The following GTF2F2 variants were observed in gnomAD, a reference collection of about 807,000 sequenced individuals.
The protein encoded by GTF2F2 is ATP-dependent helicase GTF2F2.
GTF2F2 carries 23 observed loss-of-function variants against 42.2 expected under a neutral mutation model. The ratio of observed to expected loss-of-function variants is 0.55; its 90% CI spans 0.39 to 0.77. The LOEUF (loss-of-function observed/expected upper bound fraction) is 0.77, where lower values mean the gene tolerates loss of function less well. Ranked by LOEUF, GTF2F2 falls within the 30% of genes least tolerant of loss-of-function variation. The pLI is 0.00. For missense variants in GTF2F2, 261 were observed against 287.2 expected, an observed-to-expected ratio of 0.91 and a Z score of 0.66; for synonymous variants, 105 against 100.8, an observed-to-expected ratio of 1.04 and a Z score of -0.25.
chr13:45,226,791 G>GT (rs1874380670), intron 5 of GTF2F2, among the ~76,000 whole-genome samples: 1 of 152,072 alleles, frequency 6.6e-6, no homozygotes, highest in South Asian at 2.1e-4. Flanking sequence ...ATATCTTTCA[G>GT]TTGCAGTATA....
chr13:45,194,939 C>G (rs553939470), intron 4 of GTF2F2, among the ~76,000 whole-genome samples: 100 of 152,262 alleles, frequency 6.6e-4, no homozygotes, highest in African/African-American at 2.3e-3. Flanking sequence ...TTAACTATTT[C>G]TAAATGCCTA....
chr13:45,211,806 G>A (rs1242279382), intron 5 of GTF2F2, among the ~76,000 whole-genome samples: 1 of 149,812 alleles, frequency 6.7e-6, no homozygotes, highest in East Asian at 2.0e-4. Context: ...GGTTGGTCTT[G>A]AACTCCTGAC....
At chr13:45,167,869 T>G (rs1239928648) in intron 4 of GTF2F2, among the ~76,000 whole-genome samples, 1 of 152,126 alleles carries the variant, frequency 6.6e-6, no homozygotes, top group African/African-American at 2.4e-5. Context: ...TTCCCCCCAG[T>G]CTAAAAGAAC....
intron 1 of GTF2F2, among the ~76,000 whole-genome samples, chr13:45,131,264 G>C (rs1869331088): frequency 6.6e-6 from 1 of 151,838 alleles, no homozygotes; most frequent in South Asian, 2.1e-4. Context: ...ACTGAATCCA[G>C]TGCCCACTGA....
chr13:45,161,180 T>G (rs1871017734), intron 4 of GTF2F2, among the ~76,000 whole-genome samples: 1 of 152,216 alleles, frequency 6.6e-6, no homozygotes, highest in South Asian at 2.1e-4. Flanking sequence ...GATACAGTTT[T>G]GGTACCATTT....
chr13:45,127,245 T>C (rs1324124719), intron 1 of GTF2F2, among the ~76,000 whole-genome samples: 1 of 152,184 alleles, frequency 6.6e-6, no homozygotes, highest in Non-Finnish European at 1.5e-5. Flanking sequence ...ATCTACAGTT[T>C]TATTATAATA....
At chr13:45,179,351 G>A (rs1328940010) in intron 4 of GTF2F2, among the ~76,000 whole-genome samples, 2 of 152,196 alleles carry the variant, frequency 1.3e-5, no homozygotes, top group Non-Finnish European at 2.9e-5. Flanking sequence ...CAGTGACCAT[G>A]TAGCTTACCT....
At chr13:45,282,879 C>T (rs9534085) in intron 7 of GTF2F2, among the ~76,000 whole-genome samples, 42,091 of 152,074 alleles carry the variant, frequency 0.28, 6,779 homozygotes, top group African/African-American at 0.43. Context: ...ATACAAATAA[C>T]AACTCTCCTT....
chr13:45,242,628 A>T (rs1042585974), intron 5 of GTF2F2, among the ~76,000 whole-genome samples: 13 of 152,216 alleles, frequency 8.5e-5, no homozygotes, highest in African/African-American at 3.1e-4. Context: ...TAACAAGATT[A>T]GCAAGGCAGT....
chr13:45,157,224 G>A (rs1221338093), intron 4 of GTF2F2, among the ~76,000 whole-genome samples: 2 of 152,182 alleles, frequency 1.3e-5, no homozygotes, highest in Admixed American at 6.5e-5. Context: ...GCATGTTCAC[G>A]GAGTGGCCAA....
chr13:45,154,071 G>A (rs920606882), intron 4 of GTF2F2, among the ~76,000 whole-genome samples: 2 of 151,260 alleles, frequency 1.3e-5, no homozygotes, highest in Admixed American at 6.6e-5. Context: ...TCTGTTGAAC[G>A]TGTGAGGTTT....
intron 4 of GTF2F2, among the ~76,000 whole-genome samples, chr13:45,185,175 T>C (rs1471289950): frequency 6.6e-6 from 1 of 152,132 alleles, no homozygotes; most frequent in Non-Finnish European, 1.5e-5. Context: ...CCTAAAAATG[T>C]TGTATTCTGT....
chr13:45,161,955 G>A (rs1427465674), intron 4 of GTF2F2, among the ~76,000 whole-genome samples: 1 of 152,024 alleles, frequency 6.6e-6, no homozygotes, highest in African/African-American at 2.4e-5. Flanking sequence ...ACTTCTGTTG[G>A]TGGATAACCT....
chr13:45,261,516 A>G (rs1426066175), intron 6 of GTF2F2, among the ~76,000 whole-genome samples: 2 of 152,130 alleles, frequency 1.3e-5, no homozygotes, highest in Admixed American at 6.5e-5. Flanking sequence ...GTAACTGAAG[A>G]CTAAAGTACT....
chr13:45,263,742 G>A (rs1876446071), intron 6 of GTF2F2: 1 of 153,362 alleles, frequency 6.5e-6, no homozygotes, highest in Non-Finnish European at 1.5e-5. Flanking sequence ...CAAACGCCAT[G>A]CATCTGAGGT....
At position 45,181,894 on chromosome 13, in the gene GTF2F2, G is replaced by A. The variant is rs143210442; in HGVS notation, c.305-25530G>A. Among the ~76,000 whole-genome samples, 366 of 152,150 alleles carry A rather than the reference G, an allele frequency of 2.4e-3. 1 individual carries two copies. Among genetic ancestry groups the A allele is most frequent in the African/African-American group, 8.0e-3 (330 of 41,450 alleles). ...CTTTTCTTGATGCTTCTATTGATAT[G>A]GTATTGGGGAGAATGCCTAATTGTT... On this transcript the variant is annotated intron_variant, in intron 4 of 7. Transcript: ENST00000340473.
At chr13:45,266,976 C>CAAAAT (rs1876588367) in intron 6 of GTF2F2, among the ~76,000 whole-genome samples, 1 of 152,000 alleles carries the variant, frequency 6.6e-6, no homozygotes, top group Non-Finnish European at 1.5e-5. Flanking sequence ...GGTGAAACCC[C>CAAAAT]GTCTCTACCA....
At chr13:45,165,988 A>G (rs909982170) in intron 4 of GTF2F2, among the ~76,000 whole-genome samples, 4 of 151,042 alleles carry the variant, frequency 2.6e-5, no homozygotes, top group Non-Finnish European at 4.4e-5. Context: ...TAATTTTTGT[A>G]TTTTTAGTAG....
chr13:45,198,030 C>T (rs554775129), intron 4 of GTF2F2, among the ~76,000 whole-genome samples: 79 of 152,320 alleles, frequency 5.2e-4, no homozygotes, highest in African/African-American at 1.9e-3. Flanking sequence ...AGTACCTTAA[C>T]TCTTTATTAG....
Sources: gnomAD v4.1 joint callset for allele counts (sites outside exome capture counted in the v4.1 genomes callset) on GRCh38, gnomAD v4.1.1 for gene constraint, MANE v1.5 for transcripts, NCBI Gene and HGNC (gene_info 2026-07-23, HGNC 2026-07-21) for gene names.